Variants in DZANK1 observed in about 807,000 individuals in gnomAD.
DZANK1 encodes double zinc ribbon and ankyrin repeat-containing protein 1.
A neutral mutation model predicts 94.5 loss-of-function variants in DZANK1; 91 were observed. The observed-to-expected ratio is 0.96, with a 90% CI of 0.81 to 1.15. The LOEUF is 1.15. Among genes scored for constraint, DZANK1 ranks in the 50% most tolerant of loss-of-function variants. The pLI, the probability that DZANK1 is intolerant of heterozygous loss-of-function variation, is 0.00. For synonymous variants in DZANK1, 312 were observed against 325.3 expected (o/e 0.96, Z 0.44); for missense variants, 903 against 916.4 (o/e 0.99, Z 0.19).
chr20:18,419,796 C>T (rs2057686343), intron 10 of DZANK1, among the ~76,000 whole-genome samples: 1 of 150,604 alleles, frequency 6.6e-6, no homozygotes, highest in Non-Finnish European at 1.5e-5. Context: ...GGGAGTTCCT[C>T]TGTGTGAAGG....
intron 10 of DZANK1, among the ~76,000 whole-genome samples, chr20:18,426,099 G>A (rs918134840): frequency 3.3e-5 from 5 of 152,174 alleles, no homozygotes; most frequent in Admixed American, 2.6e-4. Context: ...GTACTTATCT[G>A]TGGCTTGTTA....
chr20:18,396,887 C>T (rs1398087647), intron 14 of DZANK1, among the ~76,000 whole-genome samples: 3 of 152,294 alleles, frequency 2.0e-5, no homozygotes, highest in South Asian at 2.1e-4. Flanking sequence ...GATGTTATCA[C>T]CTTGGAAAAG....
chr20:18,463,767 A>G (rs1292814798), intron 2 of DZANK1, among the ~76,000 whole-genome samples: 1 of 152,210 alleles, frequency 6.6e-6, no homozygotes, highest in Non-Finnish European at 1.5e-5. Flanking sequence ...AACACAGATA[A>G]TAATACATAT....
At chr20:18,409,899 C>T (rs1031426722) in intron 13 of DZANK1, among the ~76,000 whole-genome samples, 2 of 151,934 alleles carry the variant, frequency 1.3e-5, no homozygotes, top group Admixed American at 6.6e-5. Flanking sequence ...GAAACCCTGT[C>T]TCTACTAAAA....
intron 15 of DZANK1, chr20:18,394,804 T>C (rs1045522219): frequency 5.3e-5 from 24 of 457,118 alleles, no homozygotes; most frequent in South Asian, 1.1e-4. Flanking sequence ...CTTACTAACT[T>C]AGTGCCCTTG....
At chr20:18,439,100 C>T (rs1281952545) in intron 8 of DZANK1, among the ~76,000 whole-genome samples, 1 of 152,180 alleles carries the variant, frequency 6.6e-6, no homozygotes, top group South Asian at 2.1e-4. Context: ...CTATCACCTG[C>T]GCACCTAAAG....
Position 18,386,700 on chromosome 20 carries a change from C to T in DZANK1, c.2019-1610G>A, listed in dbSNP as rs562674179. 3.9e-5 allele frequency among the ~76,000 whole-genome samples: 6 copies of T among 152,144 alleles called. No homozygotes were observed. The South Asian group carries it at 1.2e-3, about 32-fold the overall frequency. ...GCCATCCACTGTCCAACTAACAGTT[C>T]TAGAAAGAGAATAGAAAAATGGAGG... On this transcript the variant is annotated intron_variant, in intron 19 of 20. Transcript: ENST00000262547.
intron 13 of DZANK1, among the ~76,000 whole-genome samples, chr20:18,401,910 C>T (rs1337483363): frequency 1.3e-5 from 2 of 152,186 alleles, no homozygotes; most frequent in African/African-American, 4.8e-5. Context: ...GGAAGAGAAA[C>T]AGCCTCTTCC....
intron 6 of DZANK1, chr20:18,451,743 AG>A (rs1172775496): frequency 2.4e-6 from 1 of 421,328 alleles, no homozygotes; most frequent in Non-Finnish European, 4.6e-6. Flanking sequence ...AAACCCTGAG[AG>A]GCAGACTTGG....
At chr20:18,448,882 AAAAAGTTGGAGGTGGGC>A in intron 7 of DZANK1, 85 bp downstream of exon 7, 8 of 972,620 alleles carry the variant, frequency 8.2e-6, no homozygotes, top group Middle Eastern at 2.4e-4. Context: ...AAAAAAAAAA[AAAAAGTTGGAGGTGGGC>A]AAAAATGTCG....
exon 19 of DZANK1, chr20:18,389,797 T>C (rs2055855500): frequency 6.2e-7 from 1 of 1,613,988 alleles, no homozygotes; most frequent in South Asian, 1.1e-5. Flanking sequence ...GACGGGTCGA[T>C]TGTCTTCATC....
intron 3 of DZANK1, among the ~76,000 whole-genome samples, chr20:18,455,765 G>A (rs138527157): frequency 2.6e-5 from 4 of 152,190 alleles, no homozygotes; most frequent in East Asian, 1.9e-4. Flanking sequence ...CTAGGGGCTC[G>A]CCACTCATCA....
intron 4 of DZANK1, chr20:18,454,319 GC>G: frequency 3.1e-6 from 1 of 320,072 alleles, no homozygotes; most frequent in Non-Finnish European, 6.1e-6. Context: ...GGCGGCCCCT[GC>G]CCAGTGTAGA....
chr20:18,461,954 A>C (rs866616940), intron 2 of DZANK1, among the ~76,000 whole-genome samples: 3 of 151,990 alleles, frequency 2.0e-5, no homozygotes, highest in Middle Eastern at 3.4e-3. Context: ...ATGGTTAAGC[A>C]ATTTACACTG....
At chr20:18,384,647 G>C (rs1391921355) in intron 20 of DZANK1, 83 bp from the exon 21 acceptor site, 3 of 1,404,746 alleles carry the variant, frequency 2.1e-6, no homozygotes, top group Non-Finnish European at 2.8e-6. Context: ...CTGCCATGGA[G>C]GCCAGGCTGG....
intron 10 of DZANK1, among the ~76,000 whole-genome samples, chr20:18,422,799 CTTT>C (rs55683540): frequency 8.0e-6 from 1 of 124,852 alleles, no homozygotes; most frequent in Non-Finnish European, 1.7e-5. Flanking sequence ...TGGCTTTGTT[CTTT>C]TTTTTTTTTT....
exon 3 of DZANK1, chr20:18,460,288 A>G: frequency 6.4e-7 from 1 of 1,566,950 alleles, no homozygotes; most frequent in Non-Finnish European, 8.7e-7. Flanking sequence ...AGTATAATAT[A>G]TGTTGACATC....
chr20:18,415,337 C>T (rs2057440452), exon 11 of DZANK1: 1 of 1,571,918 alleles, frequency 6.4e-7, no homozygotes, highest in Admixed American at 1.8e-5. Flanking sequence ...CATGGCTCCA[C>T]ACCAGCCGCA....
chr20:18,410,217 G>A (rs1409098368), intron 13 of DZANK1, among the ~76,000 whole-genome samples: 2 of 152,024 alleles, frequency 1.3e-5, no homozygotes, highest in Non-Finnish European at 2.9e-5. Flanking sequence ...TTGTAACAGT[G>A]TTTTGAGAGT....
Sources: gnomAD v4.1 joint callset for allele counts (sites outside exome capture counted in the v4.1 genomes callset) on GRCh38, gnomAD v4.1.1 for gene constraint, MANE v1.5 for transcripts, NCBI Gene and HGNC (gene_info 2026-07-23, HGNC 2026-07-21) for gene names.